PRSS36: variants seen among roughly 807,000 people sequenced by gnomAD.
PRSS36 encodes serine protease 36.
PRSS36 carries 90 observed loss-of-function variants against 94.3 expected under a neutral mutation model. The ratio of observed to expected loss-of-function variants is 0.95; its 90% CI spans 0.80 to 1.14. The LOEUF is 1.14. Among genes scored for constraint, PRSS36 ranks in the 50% most tolerant of loss-of-function variants. The pLI is 0.00. For missense variants in PRSS36, 1,158 were observed against 1,135.0 expected, an observed-to-expected ratio of 1.02 and a Z score of -0.29; for synonymous variants, 500 against 489.6, an observed-to-expected ratio of 1.02 and a Z score of -0.28.
intron 5 of PRSS36, among the ~76,000 whole-genome samples, chr16:31,147,940 T>A (rs926438662): frequency 1.3e-5 from 2 of 152,184 alleles, no homozygotes; most frequent in Non-Finnish European, 2.9e-5. Flanking sequence ...ATATGTAAAG[T>A]GCATTGGTTA....
Position 31,139,034 on chromosome 16 carries a change from TG to T in PRSS36, c.*103del. The T allele has an allele frequency of 2.3e-5, 31 of 1,339,248 alleles. No homozygotes were observed. The highest frequency in any genetic ancestry group is 1.2e-4 in the Admixed American group (5 of 42,634). 83.0% of individuals were successfully genotyped at this position (1,339,248 alleles called of 1,614,324 possible). On this transcript the variant is annotated 3_prime_UTR_variant, in exon 15 of 15. Transcript: ENST00000268281. ...TTAGCCAGAGCCGCTGCAATCTCGG[TG>T]GGTGGGGCCCTTGAGGTTCCAGCCG...
At chr16:31,144,658 C>A (rs190138095) in intron 6 of PRSS36, among the ~76,000 whole-genome samples, 1 of 152,318 alleles carries the variant, frequency 6.6e-6, no homozygotes, top group East Asian at 1.9e-4. Flanking sequence ...GGCATGGTGG[C>A]TCATGCCTGT....
At chr16:31,140,980 A>G (rs958639528) in intron 12 of PRSS36, among the ~76,000 whole-genome samples, 2 of 152,156 alleles carry the variant, frequency 1.3e-5, no homozygotes, top group Non-Finnish European at 2.9e-5. Flanking sequence ...ACTGGAGTGC[A>G]GTGGCGCAAT....
intron 6 of PRSS36, among the ~76,000 whole-genome samples, chr16:31,144,049 G>T (rs2057760644): frequency 6.6e-6 from 1 of 152,198 alleles, no homozygotes; most frequent in East Asian, 1.9e-4. Flanking sequence ...AGCACCAGGG[G>T]AGTGCATTCA....
At chr16:31,147,121 T>C (rs1475952904) in intron 5 of PRSS36, among the ~76,000 whole-genome samples, 1 of 152,092 alleles carries the variant, frequency 6.6e-6, no homozygotes, top group Non-Finnish European at 1.5e-5. Flanking sequence ...TGGCCCTCAG[T>C]CTGATCTTAA....
In PRSS36 at chr16:31,142,467, C is replaced by A. The variant is rs1489244771; in HGVS notation, c.1521+14G>T. Reference sequence around the variant, plus strand: ...TCGGGCCCGCGTTCCGCGGGCCCCGCCCCCGCCGCTTACCCAGCAGCTGCC... The same window carrying A: ...TCGGGCCCGCGTTCCGCGGGCCCCGACCCCGCCGCTTACCCAGCAGCTGCC... On this transcript the variant is annotated intron_variant, in intron 10 of 14. Transcript: ENST00000268281. The A allele has an allele frequency of 6.9e-7, 1 of 1,443,640 alleles. No homozygotes were observed. The highest frequency in any genetic ancestry group is 9.1e-7 in the Non-Finnish European group (1 of 1,100,362). 89.4% of individuals were successfully genotyped at this position (1,443,640 alleles called of 1,614,324 possible). A position where few individuals can be genotyped will look rare whatever the true frequency, so the allele number is the denominator to read the frequency against.
chr16:31,146,250 C>T (rs1424383224), intron 5 of PRSS36, among the ~76,000 whole-genome samples: 1 of 152,202 alleles, frequency 6.6e-6, no homozygotes, highest in African/African-American at 2.4e-5. Flanking sequence ...TGAGCTCTCA[C>T]GTGGAGTTGT....
rs976129957 is a variant in PRSS36 at position 31,141,598 on chromosome 16, C to T, written c.1772G>A (p.Arg591Gln). Residue 591 changes from arginine to glutamine, a missense_variant, in exon 12 of 15, where the codon CGG becomes CAG. Physicochemically the swap from Arg to Gln is conservative, Grantham distance 43. Transcript: ENST00000268281. ...PHTEHGACGL[R>Q]LEAAPVGVLW... Reference sequence around the variant, plus strand: ...GACCCCCACTGGAGCAGCCTCCAGCCGCAGGCCACAGGCTAGGGAGAGGAG... The same window carrying T: ...GACCCCCACTGGAGCAGCCTCCAGCTGCAGGCCACAGGCTAGGGAGAGGAG... 12 of 1,613,400 alleles carry T rather than the reference C, an allele frequency of 7.4e-6. No individual in the cohort carries two copies. Among genetic ancestry groups the T allele is most frequent in the East Asian group, 4.5e-5 (2 of 44,872 alleles).
chr16:31,142,350 C>T, intron 10 of PRSS36, 131 bp downstream of exon 10: 1 of 1,067,546 alleles, frequency 9.4e-7, no homozygotes, highest in Non-Finnish European at 1.3e-6. Context: ...TCCCTAGAGC[C>T]CACTCGGACC....
intron 10 of PRSS36, 110 bp downstream of exon 10, chr16:31,142,371 A>G: frequency 2.4e-6 from 3 of 1,232,822 alleles, no homozygotes; most frequent in Non-Finnish European, 2.1e-6. Context: ...CGCCTTCCGC[A>G]GGCCCCGCCC....
chr16:31,142,682 A>G, intron 9 of PRSS36, 38 bp from the exon 10 acceptor site: 2 of 1,401,336 alleles, frequency 1.4e-6, no homozygotes, highest in Non-Finnish European at 1.9e-6. Context: ...GCTGCGGCCC[A>G]GACGGCCCCT....
chr16:31,147,569 A>G (rs1462785377), intron 5 of PRSS36, among the ~76,000 whole-genome samples: 1 of 152,088 alleles, frequency 6.6e-6, no homozygotes. Context: ...GATTTGGTCT[A>G]TTCCCCCCCA....
chr16:31,139,064 G>C lies in PRSS36; in HGVS notation c.*74C>G. 1 of 1,481,270 alleles carries C rather than the reference G, an allele frequency of 6.8e-7. No individual in the cohort carries two copies. The highest frequency in any genetic ancestry group is 9.0e-7 in the Non-Finnish European group (1 of 1,106,574). The allele number at this position is 1,481,270 out of a possible 1,614,324, so 91.8% of individuals were successfully genotyped here. Reference sequence around the variant, plus strand: ...GGGGCCCTTGAGGTTCCAGCCGGCTGGGCCACATTCCAGCCCCACTGGGCG... The same window carrying C: ...GGGGCCCTTGAGGTTCCAGCCGGCTCGGCCACATTCCAGCCCCACTGGGCG... On this transcript the variant is annotated 3_prime_UTR_variant, in exon 15 of 15. Transcript: ENST00000268281.
At position 31,148,451 on chromosome 16, in the gene PRSS36, CG is replaced by C. The variant is rs2057831773; in HGVS notation, c.496del (p.Arg166AlafsTer33). 3 of 1,573,724 alleles carry C rather than the reference CG, an allele frequency of 1.9e-6. No individual in the cohort carries two copies. The highest frequency in any genetic ancestry group is 2.6e-6 in the Non-Finnish European group (3 of 1,167,046). On this transcript the variant is annotated frameshift_variant, in exon 5 of 15. Transcript: ENST00000268281. LOFTEE classifies it high-confidence loss of function. ...WPVCLPRASH[R>X]FVHGTACWAT... ...CCAGCAGGCGGTGCCGTGCACGAAG[CG>C]GTGTGAGGCGCGGGGCAGGCAGACA...
At chr16:31,149,003 G>T (rs917385473) in intron 4 of PRSS36, 70 bp downstream of exon 4, 2 of 1,432,928 alleles carry the variant, frequency 1.4e-6, no homozygotes, top group Non-Finnish European at 1.9e-6. Flanking sequence ...GGGGCGGGAG[G>T]AGGGGACCAA....
chr16:31,141,884 C>A lies in PRSS36; in HGVS notation c.1598G>T (p.Gly533Val). ...FLAGIRDFPS[G>V]CLRPRAFFPL... is the part of the protein sequence containing the mutation. ...GAAGAAGGCTCGGGGACGTAGACAGCCACTGGGAAAGTCTCTGATTCCAGC... is the reference window on the plus strand; with the variant it reads ...GAAGAAGGCTCGGGGACGTAGACAGACACTGGGAAAGTCTCTGATTCCAGC... Residue 533 changes from glycine to valine, a missense_variant, in exon 11 of 15, where the codon GGC becomes GTC. Gly to Val is a moderately radical substitution (Grantham distance 109). Transcript: ENST00000268281. 1 of 1,614,156 alleles carries A rather than the reference C, an allele frequency of 6.2e-7. No homozygotes were observed. Among genetic ancestry groups the A allele is most frequent in the South Asian group, 1.1e-5 (1 of 91,086 alleles).
chr16:31,145,847 T>C lies in PRSS36; in HGVS notation c.662A>G (p.Gln221Arg), dbSNP rs758608029. 1.2e-6 allele frequency: 2 copies of C among 1,614,094 alleles called. No homozygotes were observed. Among genetic ancestry groups the C allele is most frequent in the South Asian group, 1.1e-5 (1 of 91,086 alleles). The change falls in exon 6 of 15, where the codon CAG becomes CGG. Residue 221 changes from glutamine (Q) to arginine (R), a missense_variant. Transcript: ENST00000268281. ...AGCACACAGCATCCCTGGCAATATC[T>C]GGAGAGTGAGGTTGAAGGGACCGGG... ...SQPGPFNLTL[Q>R]ILPGMLCAGY...
intron 5 of PRSS36, among the ~76,000 whole-genome samples, chr16:31,147,344 G>A (rs138076612): frequency 5.1e-4 from 77 of 152,190 alleles, no homozygotes; most frequent in African/African-American, 1.8e-3. Flanking sequence ...GGATGGCCTG[G>A]CCCCATTCAC....
chr16:31,140,225 T>C, intron 14 of PRSS36, 69 bp downstream of exon 14: 1 of 1,437,020 alleles, frequency 7.0e-7, no homozygotes, highest in Non-Finnish European at 9.2e-7. Flanking sequence ...AATTCTGCTA[T>C]CTCTCTAGGG....
Sources: allele counts gnomAD v4.1 joint callset (sites outside exome capture counted in the v4.1 genomes callset), GRCh38; gene constraint gnomAD v4.1.1; transcripts MANE v1.5; gene names NCBI Gene and HGNC (gene_info 2026-07-23, HGNC 2026-07-21).